The following HERC1 variants were observed in gnomAD, a reference collection of about 807,000 sequenced individuals.
HERC1 encodes HECT and RLD domain containing E3 ubiquitin protein ligase family member 1.
In HERC1, 160 loss-of-function variants were observed where a neutral mutation model predicts 554.3. The observed-to-expected ratio is 0.29, with a 90% confidence interval of 0.25 to 0.33. HERC1 has a LOEUF of 0.33. Ranked by LOEUF, HERC1 falls within the 10% of genes least tolerant of loss-of-function variation. The probability of loss-of-function intolerance (pLI) is 1.00; values close to 1 mark genes in which losing one functional copy is unlikely to be tolerated. For synonymous variants in HERC1, 2,175 were observed against 2,131.7 expected, an observed-to-expected ratio of 1.02 and a Z score of -0.56; for missense variants, 4,919 against 5,918.5, an observed-to-expected ratio of 0.83 and a Z score of 5.54.
At chr15:63,769,723 GC>G (rs1325345795) in intron 2 of HERC1, among the ~76,000 whole-genome samples, 3 of 151,980 alleles carry the variant, frequency 2.0e-5, no homozygotes, top group Non-Finnish European at 2.9e-5. Context: ...AGGCATGGTG[GC>G]GGGCACCTGT....
intron 5 of HERC1, among the ~76,000 whole-genome samples, chr15:63,755,858 T>C (rs1237187676): frequency 3.3e-5 from 5 of 152,172 alleles, no homozygotes; most frequent in African/African-American, 9.7e-5. Flanking sequence ...CAGTTTCTTA[T>C]GGTTCCAATT....
At chr15:63,714,589 G>A (rs1206096727) in intron 22 of HERC1, among the ~76,000 whole-genome samples, 6 of 120,930 alleles carry the variant, frequency 5.0e-5, no homozygotes, top group East Asian at 2.3e-4. Flanking sequence ...TCACTCTGTC[G>A]CCCGGGCTGG....
At chr15:63,781,517 A>C (rs2076288468) in intron 1 of HERC1, among the ~76,000 whole-genome samples, 1 of 152,216 alleles carries the variant, frequency 6.6e-6, no homozygotes, top group Non-Finnish European at 1.5e-5. Context: ...GCACACCCAT[A>C]TAAGATGGCA....
intron 12 of HERC1, among the ~76,000 whole-genome samples, chr15:63,735,625 C>G (rs1185592035): frequency 1.3e-5 from 2 of 151,890 alleles, no homozygotes; most frequent in Admixed American, 6.6e-5. Flanking sequence ...GGAATAGGAG[C>G]TGCATTATCT....
intron 19 of HERC1, among the ~76,000 whole-genome samples, chr15:63,721,778 G>A (rs1158565080): frequency 1.3e-5 from 2 of 152,062 alleles, no homozygotes; most frequent in African/African-American, 4.8e-5. Flanking sequence ...GAACAATCCC[G>A]ATCATCGTTA....
intron 77 of HERC1, among the ~76,000 whole-genome samples, chr15:63,611,871 T>G (rs2067609627): frequency 6.6e-6 from 1 of 152,208 alleles, no homozygotes; most frequent in Non-Finnish European, 1.5e-5. Context: ...CATAGTTTGT[T>G]TTCCCCAACA....
intron 1 of HERC1, among the ~76,000 whole-genome samples, chr15:63,778,355 C>T (rs2076174202): frequency 6.6e-6 from 1 of 152,120 alleles, no homozygotes; most frequent in African/African-American, 2.4e-5. Flanking sequence ...CTGGGCAGAT[C>T]AGAGCACAGA....
chr15:63,671,968 T>C (rs1173391627), intron 39 of HERC1, among the ~76,000 whole-genome samples: 1 of 152,326 alleles, frequency 6.6e-6, no homozygotes, highest in African/African-American at 2.4e-5. Context: ...GAAATTTAAG[T>C]AAGCATCACT....
intron 1 of HERC1, among the ~76,000 whole-genome samples, chr15:63,810,508 T>C (rs2077268912): frequency 1.3e-5 from 2 of 152,116 alleles, no homozygotes; most frequent in Middle Eastern, 3.2e-3. Context: ...CAATGACAGT[T>C]AACTCTGGGA....
chr15:63,766,919 C>A (rs1032266869), intron 2 of HERC1, among the ~76,000 whole-genome samples: 2 of 151,838 alleles, frequency 1.3e-5, no homozygotes, highest in Non-Finnish European at 2.9e-5. Context: ...CCCAGGTGAT[C>A]TGCCCACCTG....
chr15:63,748,137 A>T (rs2075122654), intron 10 of HERC1, among the ~76,000 whole-genome samples: 1 of 152,074 alleles, frequency 6.6e-6, no homozygotes, highest in Admixed American at 6.6e-5. Context: ...AAGGCAGGGG[A>T]ATCGCTTGAA....
intron 1 of HERC1, among the ~76,000 whole-genome samples, chr15:63,791,920 A>G (rs1304976814): frequency 6.6e-6 from 1 of 152,234 alleles, no homozygotes; most frequent in Non-Finnish European, 1.5e-5. Context: ...ACTGTTCAAA[A>G]ACAAAATCAC....
Position 63,758,068 on chromosome 15 carries a change from A to G in HERC1, c.1221+107T>C. ...TGCAGTATATAGACCAGAAATAACCATCGATAATTTTCACTCATTTAAAAA... is the reference window on the plus strand; with the variant it reads ...TGCAGTATATAGACCAGAAATAACCGTCGATAATTTTCACTCATTTAAAAA... On this transcript the variant is annotated intron_variant, in intron 4 of 77. Transcript: ENST00000443617. This position sits in a 1 kb window ranked among gnomAD's most constrained non-coding sequence, Gnocchi z 4.0. 1.2e-6 allele frequency: 1 copy of G among 808,742 alleles called. No homozygotes were observed. The highest frequency in any genetic ancestry group is 1.9e-6 in the Non-Finnish European group (1 of 523,666). 50.1% of individuals were successfully genotyped at this position (808,742 alleles called of 1,614,324 possible). A position where few individuals can be genotyped will look rare whatever the true frequency, so the allele number is the denominator to read the frequency against.
At chr15:63,833,510 G>A (rs994646063) in intron 1 of HERC1, among the ~76,000 whole-genome samples, 1 of 151,928 alleles carries the variant, frequency 6.6e-6, no homozygotes, top group Non-Finnish European at 1.5e-5. Context: ...CACAGACGTT[G>A]TAAGCCGCTG....
chr15:63,716,724 T>C (rs1253980912), intron 21 of HERC1, among the ~76,000 whole-genome samples: 1 of 152,182 alleles, frequency 6.6e-6, no homozygotes, highest in African/African-American at 2.4e-5. Context: ...TGTAAATTTA[T>C]TCATATCTAT....
chr15:63,673,384 T>C (rs2071034186), intron 38 of HERC1, among the ~76,000 whole-genome samples: 1 of 152,008 alleles, frequency 6.6e-6, no homozygotes. Context: ...CTCTCTCTAT[T>C]TACTGTCCAA....
intron 1 of HERC1, among the ~76,000 whole-genome samples, chr15:63,782,251 G>C (rs1411033664): frequency 6.6e-6 from 1 of 152,164 alleles, no homozygotes; most frequent in Non-Finnish European, 1.5e-5. Flanking sequence ...TTCAATACCT[G>C]CCTTCAAAGG....
At chr15:63,627,991 CA>C (rs1352079980) in intron 70 of HERC1, among the ~76,000 whole-genome samples, 2 of 152,214 alleles carry the variant, frequency 1.3e-5, no homozygotes, top group African/African-American at 4.8e-5. Context: ...CATCATGTTT[CA>C]AATGGTTAAC....
intron 38 of HERC1, among the ~76,000 whole-genome samples, chr15:63,673,628 A>AG (rs11386985): frequency 0.81 from 123,877 of 152,190 alleles, 52,283 homozygotes; most frequent in Non-Finnish European, 0.88. Context: ...AAGATAAAAC[A>AG]GAGCTTTTCT....
Sources: allele counts gnomAD v4.1 joint callset (sites outside exome capture counted in the v4.1 genomes callset), GRCh38; gene constraint gnomAD v4.1.1; non-coding constraint Gnocchi (gnomAD v3.1); transcripts MANE v1.5; gene names NCBI Gene and HGNC (gene_info 2026-07-23, HGNC 2026-07-21).